PIAS2: variants seen among roughly 807,000 people sequenced by gnomAD.
The protein encoded by PIAS2 is E3 SUMO-protein ligase PIAS2.
PIAS2 carries 19 observed loss-of-function variants against 69.7 expected under a neutral mutation model. The observed-to-expected ratio is 0.27, with a 90% CI of 0.19 to 0.40. The LOEUF is 0.40. Ranked by LOEUF, PIAS2 falls within the 10% of genes least tolerant of loss-of-function variation. The pLI, the probability that PIAS2 is intolerant of heterozygous loss-of-function variation, is 1.00. For missense variants in PIAS2, 624 were observed against 757.0 expected, an observed-to-expected ratio of 0.82 and a Z score of 2.06; for synonymous variants, 261 against 263.2, an observed-to-expected ratio of 0.99 and a Z score of 0.08.
At chr18:46,855,059 A>T (rs2047535687) in intron 5 of PIAS2, among the ~76,000 whole-genome samples, 2 of 148,322 alleles carry the variant, frequency 1.3e-5, no homozygotes, top group African/African-American at 5.0e-5. Context: ...TTGAGCCTAT[A>T]AATTCAAATC....
chr18:46,910,387 G>T (rs1258275473), intron 1 of PIAS2, among the ~76,000 whole-genome samples: 3 of 152,062 alleles, frequency 2.0e-5, no homozygotes, highest in African/African-American at 7.2e-5. Context: ...CGCCTTACCT[G>T]TTATAATCTT....
chr18:46,874,476 C>T (rs1023971233), intron 2 of PIAS2, among the ~76,000 whole-genome samples: 1 of 152,150 alleles, frequency 6.6e-6, no homozygotes, highest in Non-Finnish European at 1.5e-5. Flanking sequence ...GATGGGAATA[C>T]CATACCCCCT....
At chr18:46,870,688 C>G (rs1302703007) in intron 2 of PIAS2, among the ~76,000 whole-genome samples, 2 of 142,154 alleles carry the variant, frequency 1.4e-5, no homozygotes, top group East Asian at 4.4e-4. Flanking sequence ...GGTAGCAGAT[C>G]AAATTGATCA....
At chr18:46,885,872 GAT>G (rs2053097645) in intron 2 of PIAS2, among the ~76,000 whole-genome samples, 1 of 152,192 alleles carries the variant, frequency 6.6e-6, no homozygotes, top group Non-Finnish European at 1.5e-5. Flanking sequence ...AGCCAAATGA[GAT>G]AGTTTTGAAC....
intron 9 of PIAS2, among the ~76,000 whole-genome samples, chr18:46,832,441 A>AAAC (rs1321030004): frequency 6.6e-6 from 1 of 151,648 alleles, no homozygotes; most frequent in African/African-American, 2.4e-5. Context: ...ACAAACAAAC[A>AAAC]AAAAAAAGTG....
chr18:46,833,775 A>G (rs553654352), intron 9 of PIAS2, among the ~76,000 whole-genome samples: 34 of 152,330 alleles, frequency 2.2e-4, no homozygotes, highest in Non-Finnish European at 1.0e-4. Context: ...TGATCAATGG[A>G]ACAAATAGCA....
chr18:46,901,531 A>C (rs2055861660), intron 1 of PIAS2, among the ~76,000 whole-genome samples: 1 of 152,232 alleles, frequency 6.6e-6, no homozygotes, highest in African/African-American at 2.4e-5. Flanking sequence ...GTCATTATGC[A>C]CCATGACCAA....
At chr18:46,895,868 GA>G (rs2054781721) in intron 1 of PIAS2, among the ~76,000 whole-genome samples, 1 of 152,108 alleles carries the variant, frequency 6.6e-6, no homozygotes, top group Non-Finnish European at 1.5e-5. Flanking sequence ...TATTCCTGGT[GA>G]AATCATGTAA....
chr18:46,895,070 T>C (rs1687907967), intron 1 of PIAS2, among the ~76,000 whole-genome samples: 1 of 140,884 alleles, frequency 7.1e-6, no homozygotes, highest in African/African-American at 2.7e-5. Context: ...GGAAACTCCA[T>C]CTCGGAAAAA....
At chr18:46,920,048 C>A (rs778392383), upstream of PIAS2, 108 of 1,289,112 alleles carry the variant, frequency 8.4e-5, no homozygotes, top group Middle Eastern at 2.1e-4. Context: ...CAAAGCCCCA[C>A]TGAAACTTAC....
chr18:46,916,712 A>G, intron 1 of PIAS2: 1 of 550,304 alleles, frequency 1.8e-6, no homozygotes, highest in South Asian at 7.9e-5. Flanking sequence ...TTACTAAAAC[A>G]CTAAGAAAAT....
intron 9 of PIAS2, among the ~76,000 whole-genome samples, chr18:46,834,455 T>A (rs1160687448): frequency 6.6e-6 from 1 of 152,132 alleles, no homozygotes; most frequent in African/African-American, 2.4e-5. Context: ...AAATCTTTTT[T>A]AAAAAAGGAA....
chr18:46,886,695 G>A (rs984981800), intron 2 of PIAS2, among the ~76,000 whole-genome samples: 6 of 151,972 alleles, frequency 3.9e-5, no homozygotes, highest in African/African-American at 1.2e-4. Context: ...AAATTAGCCC[G>A]GTGTGGTGGC....
intron 1 of PIAS2, among the ~76,000 whole-genome samples, chr18:46,896,988 T>C (rs1208595446): frequency 6.6e-6 from 1 of 152,190 alleles, no homozygotes; most frequent in Non-Finnish European, 1.5e-5. Flanking sequence ...GGGACATATA[T>C]GACAAAAGAC....
At position 46,805,707 on chromosome 18, in the gene PIAS2, T is replaced by A. The variant is rs1317617179; in HGVS notation, c.*6726A>T. On this transcript the variant is annotated 3_prime_UTR_variant, in exon 14 of 14. Coordinates refer to ENST00000585916, the MANE Select transcript of PIAS2 (RefSeq NM_004671.5). ...AAGAAAAGGCTAAGATGTAGCCAAG[T>A]ATGGCCTAGGAAGGGATCAGTGACT... 6.6e-6 allele frequency: 1 copy of A among 152,198 alleles called. No individual in the cohort carries two copies. Among genetic ancestry groups the A allele is most frequent in the Non-Finnish European group, 1.5e-5 (1 of 68,086 alleles). The allele number at this position is 152,198 out of a possible 1,614,324, so 9.4% of individuals were successfully genotyped here. A position where few individuals can be genotyped will look rare whatever the true frequency, so the allele number is the denominator to read the frequency against.
intron 2 of PIAS2, among the ~76,000 whole-genome samples, chr18:46,885,446 G>C (rs1252649478): frequency 2.0e-5 from 3 of 152,026 alleles, no homozygotes; most frequent in Non-Finnish European, 4.4e-5. Context: ...GCTTGAACTT[G>C]GGAGGCGGAG....
intron 3 of PIAS2, among the ~76,000 whole-genome samples, chr18:46,855,992 C>CCTTTTT (rs2047694490): frequency 1.4e-5 from 1 of 69,160 alleles, no homozygotes. Context: ...TTTTCTTTTT[C>CCTTTTT]TTTTGTTTTT....
At chr18:46,839,639 T>C (rs933266925) in intron 8 of PIAS2, among the ~76,000 whole-genome samples, 7 of 150,922 alleles carry the variant, frequency 4.6e-5, no homozygotes, top group African/African-American at 1.7e-4. Context: ...CCGAGGAGGG[T>C]GGATCACCTG....
intron 2 of PIAS2, among the ~76,000 whole-genome samples, chr18:46,889,074 C>CT (rs2053657962): frequency 6.6e-6 from 1 of 152,060 alleles, no homozygotes; most frequent in Non-Finnish European, 1.5e-5. Context: ...ATACCATATA[C>CT]GAAAATTAAC....
Sources: gnomAD v4.1 joint callset for allele counts (sites outside exome capture counted in the v4.1 genomes callset) on GRCh38, gnomAD v4.1.1 for gene constraint, MANE v1.5 for transcripts, NCBI Gene and HGNC (gene_info 2026-07-23, HGNC 2026-07-21) for gene names.